The following AKAP19 variants were observed in gnomAD, a reference collection of about 807,000 sequenced individuals.
AKAP19 encodes the protein A-kinase anchoring protein 19.
At chr2:189,995,250 C>T in the AKAP19 span, among the ~76,000 whole-genome samples, 3 of 152,150 alleles carry the variant, frequency 2.0e-5, no homozygotes, top group Admixed American at 6.5e-5. Context: ...TAATGTGTTG[C>T]TATCTATCAC....
chr2:190,197,695 C>G, the AKAP19 span, among the ~76,000 whole-genome samples: 5 of 152,170 alleles, frequency 3.3e-5, no homozygotes, highest in Admixed American at 3.3e-4. This position sits in a 1 kb window ranked among gnomAD's most constrained non-coding sequence, Gnocchi z 4.0. Flanking sequence ...GGATCACAAT[C>G]CAGTGTTGCT....
chr2:190,051,635 G>T, the AKAP19 span, among the ~76,000 whole-genome samples: 2 of 152,032 alleles, frequency 1.3e-5, no homozygotes, highest in Non-Finnish European at 2.9e-5. Context: ...AATCTCTTTA[G>T]GTTTGCATCA....
At chr2:190,120,481 TAGAA>T in the AKAP19 span, among the ~76,000 whole-genome samples, 1 of 152,146 alleles carries the variant, frequency 6.6e-6, no homozygotes, top group African/African-American at 2.4e-5. Context: ...GATACAAACT[TAGAA>T]AGGAGTATAA....
the AKAP19 span, among the ~76,000 whole-genome samples, chr2:189,910,987 C>T: frequency 6.6e-6 from 1 of 151,886 alleles, no homozygotes; most frequent in Non-Finnish European, 1.5e-5. Flanking sequence ...AAAGGAAATT[C>T]CCTATATGTT....
chr2:190,120,507 G>A, the AKAP19 span, among the ~76,000 whole-genome samples: 4 of 152,156 alleles, frequency 2.6e-5, no homozygotes, highest in Non-Finnish European at 5.9e-5. Context: ...AATTTGCCAA[G>A]GCATAGAAAA....
the AKAP19 span, among the ~76,000 whole-genome samples, chr2:190,187,789 G>A: frequency 6.6e-6 from 1 of 152,208 alleles, no homozygotes; most frequent in Admixed American, 6.5e-5. Flanking sequence ...AGGAGTTCGA[G>A]GCTGCTGTGA....
chr2:189,996,266 T>C, the AKAP19 span, among the ~76,000 whole-genome samples: 1 of 152,204 alleles, frequency 6.6e-6, no homozygotes. Flanking sequence ...ATAATCCCAA[T>C]TTTTGGGGGA....
the AKAP19 span, among the ~76,000 whole-genome samples, chr2:190,008,409 GA>G: frequency 4.6e-5 from 7 of 152,022 alleles, no homozygotes. Context: ...AAATGAAGAA[GA>G]AAAATGTGAT....
At chr2:190,108,005 T>C in the AKAP19 span, among the ~76,000 whole-genome samples, 1 of 152,214 alleles carries the variant, frequency 6.6e-6, no homozygotes, top group Non-Finnish European at 1.5e-5. Context: ...ACATTTGCCA[T>C]GCAACTCTTC....
At chr2:190,168,533 C>T in the AKAP19 span, among the ~76,000 whole-genome samples, 7 of 151,594 alleles carry the variant, frequency 4.6e-5, no homozygotes, top group Admixed American at 2.0e-4. Flanking sequence ...TCTTTTCTAT[C>T]GCATTGTCAG....
the AKAP19 span, among the ~76,000 whole-genome samples, chr2:190,165,308 G>T: frequency 6.6e-6 from 1 of 151,756 alleles, no homozygotes; most frequent in Non-Finnish European, 1.5e-5. Context: ...ATGGTGGTGG[G>T]CGCCTGTACT....
chr2:190,195,795 C>T, the AKAP19 span, among the ~76,000 whole-genome samples: 1 of 152,234 alleles, frequency 6.6e-6, no homozygotes, highest in East Asian at 1.9e-4. Context: ...ACACATCATG[C>T]CTTTGGCACT....
At chr2:189,900,280 T>A in the AKAP19 span, among the ~76,000 whole-genome samples, 1 of 152,168 alleles carries the variant, frequency 6.6e-6, no homozygotes, top group African/African-American at 2.4e-5. Context: ...ATGTGAAATT[T>A]TTAGAACAAA....
chr2:190,043,760 A>G, the AKAP19 span, among the ~76,000 whole-genome samples: 1 of 152,160 alleles, frequency 6.6e-6, no homozygotes, highest in Non-Finnish European at 1.5e-5. Context: ...GAGGATGTAC[A>G]ACACTCTGTC....
At chr2:189,939,062 C>A in the AKAP19 span, among the ~76,000 whole-genome samples, 1 of 152,160 alleles carries the variant, frequency 6.6e-6, no homozygotes, top group South Asian at 2.1e-4. Context: ...CCTGCTTCAA[C>A]CCACAGGAAG....
At chr2:190,192,594 G>A in the AKAP19 span, among the ~76,000 whole-genome samples, 28 of 151,990 alleles carry the variant, frequency 1.8e-4, no homozygotes, top group South Asian at 5.6e-3. Context: ...GAATTTTGCC[G>A]AATATACATG....
chr2:190,040,376 GTTGTAAATTTGTT>G, the AKAP19 span, among the ~76,000 whole-genome samples: 4 of 151,842 alleles, frequency 2.6e-5, no homozygotes, highest in Non-Finnish European at 5.9e-5. Context: ...TTGTTTTTCT[GTTGTAAATTTGTT>G]TAAGTTCCTA....
the AKAP19 span, among the ~76,000 whole-genome samples, chr2:190,141,421 A>C: frequency 6.6e-6 from 1 of 152,198 alleles, no homozygotes; most frequent in African/African-American, 2.4e-5. Flanking sequence ...TATAAAGAAA[A>C]GAGGTTTAAT....
At chr2:189,924,132 G>A in the AKAP19 span, 1 of 1,611,818 alleles carries the variant, frequency 6.2e-7, no homozygotes, top group Non-Finnish European at 8.5e-7. Context: ...GGGATGACCA[G>A]CTGGAGTTGA....
Sources: gnomAD v4.1 joint callset for allele counts (sites outside exome capture counted in the v4.1 genomes callset) on GRCh38, gnomAD v4.1.1 for gene constraint, Gnocchi (gnomAD v3.1) non-coding constraint, MANE v1.5 for transcripts, NCBI Gene and HGNC (gene_info 2026-07-23, HGNC 2026-07-21) for gene names.